Variants in SH3PXD2A observed in about 807,000 individuals in gnomAD.
SH3PXD2A encodes the protein SH3 and PX domains 2A.
In SH3PXD2A, 32 loss-of-function variants were observed where a neutral mutation model predicts 115.2. The ratio of observed to expected loss-of-function variants is 0.28; its 90% CI spans 0.21 to 0.37. The LOEUF is 0.37. SH3PXD2A is among the 10% of genes least tolerant of loss of function. The probability of loss-of-function intolerance (pLI) is 1.00; values close to 1 mark genes in which losing one functional copy is unlikely to be tolerated. For missense variants in SH3PXD2A, 1,328 were observed against 1,498.7 expected, an observed-to-expected ratio of 0.89 and a Z score of 1.88; for synonymous variants, 610 against 629.1, an observed-to-expected ratio of 0.97 and a Z score of 0.45.
chr10:103,679,523 G>T (rs531508493), intron 6 of SH3PXD2A, among the ~76,000 whole-genome samples: 2 of 152,166 alleles, frequency 1.3e-5, no homozygotes, highest in South Asian at 4.1e-4. Context: ...CAGAAGGAGC[G>T]AGCCAAGTCA....
At chr10:103,797,016 C>T (rs1239219276) in intron 2 of SH3PXD2A, among the ~76,000 whole-genome samples, 1 of 151,942 alleles carries the variant, frequency 6.6e-6, no homozygotes, top group African/African-American at 2.4e-5. Context: ...GCACATGCCA[C>T]CACACTCGGC....
At position 103,600,892 on chromosome 10, in the gene SH3PXD2A, C is replaced by A. The variant is rs1286805232; in HGVS notation, c.*924G>T. The A allele has an allele frequency of 6.6e-6, 1 of 152,188 alleles. No homozygotes were observed. 9.4% of individuals were successfully genotyped at this position (152,188 alleles called of 1,614,324 possible). A position where few individuals can be genotyped will look rare whatever the true frequency, so the allele number is the denominator to read the frequency against. On this transcript the variant is annotated 3_prime_UTR_variant, in exon 15 of 15. Coordinates refer to ENST00000369774, the MANE Select transcript of SH3PXD2A (RefSeq NM_001394015.1). Reference sequence around the variant, plus strand: ...AACAGAAACCCCATCCACTACCCATCCCCTTCCCATGTGAGGCCGACCACC... The same window carrying A: ...AACAGAAACCCCATCCACTACCCATACCCTTCCCATGTGAGGCCGACCACC...
chr10:103,742,113 T>C (rs1346316955), intron 3 of SH3PXD2A, among the ~76,000 whole-genome samples: 1 of 152,178 alleles, frequency 6.6e-6, no homozygotes, highest in Non-Finnish European at 1.5e-5. Context: ...CGTGCCACTG[T>C]ACTCCAGCCT....
intron 1 of SH3PXD2A, among the ~76,000 whole-genome samples, chr10:103,807,360 T>C (rs888698380): frequency 2.6e-5 from 4 of 152,194 alleles, no homozygotes; most frequent in Non-Finnish European, 5.9e-5. Context: ...AAATTGCATA[T>C]CTCCATGGTA....
intron 8 of SH3PXD2A, among the ~76,000 whole-genome samples, chr10:103,638,117 A>G (rs2036894590): frequency 6.6e-6 from 1 of 152,202 alleles, no homozygotes; most frequent in African/African-American, 2.4e-5. Flanking sequence ...GTGCACCCAC[A>G]CAGCCCCTGC....
intron 5 of SH3PXD2A, among the ~76,000 whole-genome samples, chr10:103,705,114 G>GA (rs2037965644): frequency 6.6e-6 from 1 of 152,128 alleles, no homozygotes; most frequent in Non-Finnish European, 1.5e-5. Flanking sequence ...CAACTACAGT[G>GA]AGGGCCCTGC....
At position 103,791,625 on chromosome 10, in the gene SH3PXD2A, C is replaced by A. The variant is rs1057332207; in HGVS notation, c.153+9657G>T. On this transcript the variant is annotated intron_variant, in intron 2 of 14. Coordinates refer to ENST00000369774, the MANE Select transcript of SH3PXD2A (RefSeq NM_001394015.1). Reference sequence around the variant, plus strand: ...CCCTTTATGCATAGATGTGCAGAGACCTCTCCTAGATGCTCTATCCCCGCT... The same window carrying A: ...CCCTTTATGCATAGATGTGCAGAGAACTCTCCTAGATGCTCTATCCCCGCT... Among the ~76,000 whole-genome samples, 3 of 151,924 alleles carry A rather than the reference C, an allele frequency of 2.0e-5. No homozygotes were observed. In the East Asian group the frequency reaches 5.8e-4, roughly 30 times the overall value.
rs1000113156 is a variant in SH3PXD2A at position 103,620,414 on chromosome 10, T to G, written c.802+2056A>C. ...CAGAAGCCTCCTCTTCCCCAACACT[T>G]TCCCCTCTGTCAGCAGTCTCCCCAC... is the stretch of plus-strand genomic sequence containing the variant. On this transcript the variant is annotated intron_variant, in intron 10 of 14. Coordinates refer to ENST00000369774, the MANE Select transcript of SH3PXD2A (RefSeq NM_001394015.1). This position sits in a 1 kb window ranked among gnomAD's most constrained non-coding sequence, Gnocchi z 5.3. 6.6e-6 allele frequency among the ~76,000 whole-genome samples: 1 copy of G among 152,108 alleles called. No homozygotes were observed. Among genetic ancestry groups the G allele is most frequent in the Non-Finnish European group, 1.5e-5 (1 of 68,004 alleles).
intron 1 of SH3PXD2A, among the ~76,000 whole-genome samples, chr10:103,837,139 T>C (rs2039552425): frequency 6.6e-6 from 1 of 152,222 alleles, no homozygotes; most frequent in Non-Finnish European, 1.5e-5. Flanking sequence ...GTTGTACTTA[T>C]CAAGTATTCT....
At chr10:103,624,808 G>A (rs1312306920) in intron 9 of SH3PXD2A, among the ~76,000 whole-genome samples, 2 of 152,166 alleles carry the variant, frequency 1.3e-5, no homozygotes, top group African/African-American at 2.4e-5. Flanking sequence ...GGTGCAGAGA[G>A]ACTAGCGGAC....
intron 3 of SH3PXD2A, chr10:103,736,636 G>T: frequency 1.7e-6 from 1 of 592,796 alleles, no homozygotes; most frequent in Non-Finnish European, 2.8e-6. Context: ...TTCCTTGATT[G>T]GCTGAGCTGG....
intron 1 of SH3PXD2A, among the ~76,000 whole-genome samples, chr10:103,805,552 G>C (rs1454302905): frequency 6.6e-6 from 1 of 152,228 alleles, no homozygotes; most frequent in African/African-American, 2.4e-5. Context: ...CACATGACCA[G>C]AGCATCCCCC....
chr10:103,837,572 G>A (rs1003387081), intron 1 of SH3PXD2A, among the ~76,000 whole-genome samples: 27 of 152,322 alleles, frequency 1.8e-4, no homozygotes, highest in African/African-American at 6.0e-4. Flanking sequence ...AGACAGGTGA[G>A]GTGGGGAGCT....
chr10:103,811,626 C>T (rs1298870219), intron 1 of SH3PXD2A, among the ~76,000 whole-genome samples: 2 of 152,160 alleles, frequency 1.3e-5, no homozygotes, highest in Non-Finnish European at 2.9e-5. Flanking sequence ...CAGCAGACTG[C>T]CTGGAGCAAG....
At chr10:103,624,132 C>T (rs138997422) in intron 9 of SH3PXD2A, among the ~76,000 whole-genome samples, 1,792 of 152,358 alleles carry the variant, frequency 0.012, 19 homozygotes, top group Non-Finnish European at 0.019. Flanking sequence ...AGCACAGACT[C>T]TGCACCCCGA....
chr10:103,714,171 C>A (rs2038078343), intron 5 of SH3PXD2A, among the ~76,000 whole-genome samples: 1 of 152,208 alleles, frequency 6.6e-6, no homozygotes, highest in South Asian at 2.1e-4. Context: ...AACAGCAAAG[C>A]AGGCCTCAGC....
intron 5 of SH3PXD2A, among the ~76,000 whole-genome samples, chr10:103,702,300 T>C (rs767746565): frequency 6.6e-6 from 1 of 152,226 alleles, no homozygotes; most frequent in African/African-American, 2.4e-5. Context: ...CATTTTTTTG[T>C]CCATCTAGCT....
At chr10:103,807,200 G>C (rs1416633838) in intron 1 of SH3PXD2A, among the ~76,000 whole-genome samples, 1 of 152,162 alleles carries the variant, frequency 6.6e-6, no homozygotes, top group Non-Finnish European at 1.5e-5. Flanking sequence ...TCTGGTCTGG[G>C]ACCAATTAGA....
chr10:103,819,196 C>G (rs909000041), intron 1 of SH3PXD2A, among the ~76,000 whole-genome samples: 1 of 152,222 alleles, frequency 6.6e-6, no homozygotes, highest in Non-Finnish European at 1.5e-5. Flanking sequence ...TCCCAGGGAG[C>G]TCTGGTGTGG....
Sources: allele counts gnomAD v4.1 joint callset (sites outside exome capture counted in the v4.1 genomes callset), GRCh38; gene constraint gnomAD v4.1.1; non-coding constraint Gnocchi (gnomAD v3.1); transcripts MANE v1.5; gene names NCBI Gene and HGNC (gene_info 2026-07-23, HGNC 2026-07-21).